RIMS2: variants seen among roughly 807,000 people sequenced by gnomAD.
The protein encoded by RIMS2 is regulating synaptic membrane exocytosis protein 2.
Under a neutral mutation model 174.4 loss-of-function variants are expected in RIMS2, and 59 were observed. That is an observed-to-expected ratio of 0.34 (90% confidence interval 0.27 to 0.42). The LOEUF (loss-of-function observed/expected upper bound fraction) is 0.42. Among genes scored for constraint, RIMS2 ranks in the 10% least tolerant of loss-of-function variants. The pLI is 1.00. For missense variants in RIMS2, 1,620 were observed against 1,666.3 expected, an observed-to-expected ratio of 0.97 and a Z score of 0.48; for synonymous variants, 606 against 572.5, an observed-to-expected ratio of 1.06 and a Z score of -0.84.
intron 19 of RIMS2, among the ~76,000 whole-genome samples, chr8:104,243,210 T>C (rs918320006): frequency 2.0e-5 from 3 of 152,212 alleles, no homozygotes; most frequent in Non-Finnish European, 2.9e-5. Context: ...AACTGAGTTA[T>C]AGATCAGTCA....
chr8:103,739,372 C>T (rs565810150), intron 2 of RIMS2, among the ~76,000 whole-genome samples: 7 of 152,104 alleles, frequency 4.6e-5, no homozygotes, highest in Non-Finnish European at 7.4e-5. Flanking sequence ...CACACTGGGG[C>T]CTGTCGTAGG....
chr8:103,983,976 A>G (rs977834017), intron 16 of RIMS2, among the ~76,000 whole-genome samples: 7 of 152,096 alleles, frequency 4.6e-5, no homozygotes, highest in African/African-American at 1.7e-4. Context: ...GATCGAGACC[A>G]TCCTGGCTAA....
intron 16 of RIMS2, among the ~76,000 whole-genome samples, chr8:103,982,534 T>A (rs2094001057): frequency 6.8e-6 from 1 of 147,208 alleles, no homozygotes; most frequent in Non-Finnish European, 1.5e-5. Flanking sequence ...CAACAATACA[T>A]TAAAAAGGTC....
At chr8:103,547,544 A>G (rs889947253) in intron 1 of RIMS2, among the ~76,000 whole-genome samples, 1 of 152,218 alleles carries the variant, frequency 6.6e-6, no homozygotes, top group African/African-American at 2.4e-5. Context: ...CTAAATGTTC[A>G]CATAAAAACA....
intron 9 of RIMS2, chr8:103,920,871 C>A (rs370609167): frequency 8.8e-6 from 3 of 342,124 alleles, no homozygotes; most frequent in Non-Finnish European, 1.7e-5. Context: ...TGGTGGCAGG[C>A]GCCTGTAGTC....
intron 1 of RIMS2, among the ~76,000 whole-genome samples, chr8:103,589,336 T>C (rs561774627): frequency 0.027 from 3 of 112 alleles, no homozygotes; most frequent in South Asian, 0.5. Flanking sequence ...AAGTGCTCTA[T>C]ATCATGATAA....
intron 4 of RIMS2, among the ~76,000 whole-genome samples, chr8:103,886,734 A>G (rs1373909482): frequency 6.6e-6 from 1 of 151,562 alleles, no homozygotes; most frequent in African/African-American, 2.4e-5. Context: ...ATATCATGCT[A>G]TATATAATTT....
intron 3 of RIMS2, among the ~76,000 whole-genome samples, chr8:103,792,121 C>G (rs1429514445): frequency 6.6e-6 from 1 of 152,082 alleles, no homozygotes; most frequent in East Asian, 1.9e-4. Flanking sequence ...AATATACATT[C>G]TTCTCAGCAC....
chr8:103,507,564 A>G (rs1268905754), intron 1 of RIMS2, among the ~76,000 whole-genome samples: 1 of 151,912 alleles, frequency 6.6e-6, no homozygotes, highest in East Asian at 1.9e-4. Flanking sequence ...AGATTTGCTT[A>G]TGTAGTAGTG....
chr8:104,226,711 G>T (rs1167412828), intron 19 of RIMS2, among the ~76,000 whole-genome samples: 1 of 152,138 alleles, frequency 6.6e-6, no homozygotes, highest in Non-Finnish European at 1.5e-5. Flanking sequence ...GAAAGTGAGG[G>T]TTAAACATTG....
intron 3 of RIMS2, among the ~76,000 whole-genome samples, chr8:103,879,092 G>A (rs927365805): frequency 1.3e-5 from 2 of 151,472 alleles, no homozygotes; most frequent in African/African-American, 4.8e-5. Context: ...GTACTGAAAG[G>A]AGAATAAACA....
intron 19 of RIMS2, among the ~76,000 whole-genome samples, chr8:104,118,186 G>A (rs1350979119): frequency 6.6e-6 from 1 of 151,824 alleles, no homozygotes; most frequent in South Asian, 2.1e-4. Flanking sequence ...GATAAAATAT[G>A]AAAATTTTAG....
chr8:103,762,130 C>T (rs1250729479), intron 2 of RIMS2, among the ~76,000 whole-genome samples: 1 of 149,380 alleles, frequency 6.7e-6, no homozygotes, highest in Admixed American at 6.7e-5. Context: ...CCCTTCCTTT[C>T]CTAACATTCC....
chr8:103,919,234 T>C (rs1396060738), intron 9 of RIMS2, among the ~76,000 whole-genome samples: 3 of 152,028 alleles, frequency 2.0e-5, no homozygotes, highest in African/African-American at 7.2e-5. Context: ...GAAGGAAACA[T>C]TTGGAGTGGC....
chr8:103,724,532 A>G (rs2176952), intron 2 of RIMS2, among the ~76,000 whole-genome samples: 54,755 of 152,008 alleles, frequency 0.36, 10,542 homozygotes, highest in East Asian at 0.77. Flanking sequence ...ATTTTGTTAC[A>G]TATAGTAAAA....
At chr8:103,703,803 G>A (rs748337601) in intron 2 of RIMS2, among the ~76,000 whole-genome samples, 17 of 152,118 alleles carry the variant, frequency 1.1e-4, no homozygotes, top group Non-Finnish European at 1.5e-4. Flanking sequence ...TGCTGCTGGC[G>A]TAGAGAAATG....
chr8:104,024,274 T>C (rs143048655), intron 19 of RIMS2, among the ~76,000 whole-genome samples: 1 of 152,326 alleles, frequency 6.6e-6, no homozygotes, highest in African/African-American at 2.4e-5. Context: ...TACCAAGATA[T>C]CTATCAGTGT....
At chr8:103,884,486 C>A (rs892058784) in intron 3 of RIMS2, among the ~76,000 whole-genome samples, 2 of 151,752 alleles carry the variant, frequency 1.3e-5, no homozygotes, top group African/African-American at 4.8e-5. Context: ...TTGCAAGGTT[C>A]ACTAGGTTTT....
chr8:104,042,975 G>A (rs984416923), intron 19 of RIMS2, among the ~76,000 whole-genome samples: 1 of 151,584 alleles, frequency 6.6e-6, no homozygotes, highest in African/African-American at 2.4e-5. Context: ...AGCCAGAAAA[G>A]TATGTTGAAA....
Sources: allele counts gnomAD v4.1 joint callset (sites outside exome capture counted in the v4.1 genomes callset), GRCh38; gene constraint gnomAD v4.1.1; transcripts MANE v1.5; gene names NCBI Gene and HGNC (gene_info 2026-07-23, HGNC 2026-07-21).